Variants in ITPRID1 observed in about 807,000 individuals in gnomAD.
ITPRID1 encodes protein ITPRID1.
In ITPRID1, 96 loss-of-function variants were observed where a neutral mutation model predicts 95.4. That is an observed-to-expected ratio of 1.01 (90% CI 0.85 to 1.19). The LOEUF (loss-of-function observed/expected upper bound fraction) is 1.19. Ranked by LOEUF, ITPRID1 falls within the 50% of genes most tolerant of loss-of-function variation. The pLI is 0.00. For synonymous variants in ITPRID1, 510 were observed against 453.6 expected (o/e 1.12, Z -1.58); for missense variants, 1,339 against 1,252.9 (o/e 1.07, Z -1.04).
intron 10 of ITPRID1, among the ~76,000 whole-genome samples, chr7:31,595,281 G>A (rs1436616301): frequency 6.6e-6 from 1 of 150,964 alleles, no homozygotes; most frequent in Non-Finnish European, 1.5e-5. Flanking sequence ...CTGACCTCAG[G>A]TGATCCACCC....
rs780988233 is a variant in ITPRID1, at chr7:31,652,716, A to C, written c.3022A>C (p.Thr1008Pro). 6.2e-6 allele frequency: 10 copies of C among 1,613,774 alleles called. No homozygotes were observed. In the East Asian group the frequency reaches 2.2e-4, roughly 36 times the overall value. The part of the protein sequence containing the change: ...GTQLAAFTPP[T>P]LENSTRMSPS... ...CCAGTTGGCTGCCTTCACTCCACCCACCTTGGAGAACAGCACCAGGATGTC... is the reference window on the plus strand; with the variant it reads ...CCAGTTGGCTGCCTTCACTCCACCCCCCTTGGAGAACAGCACCAGGATGTC... Residue 1008 changes from threonine (T) to proline (P), a missense_variant, in exon 15 of 15, where the codon ACC becomes CCC. By Grantham distance (38) the Thr-to-Pro change is conservative (BLOSUM62 -1). Transcript: ENST00000615280.
Position 31,654,615 on chromosome 7 carries a change from TC to T in ITPRID1, c.*1787del, listed in dbSNP as rs1791205344. ...GCAAATGTCGTCAAGTTGCTTCTAT[TC>T]AGCCTTGGAGGCTTGTGAGGCTCCC... On this transcript the variant is annotated 3_prime_UTR_variant, in exon 15 of 15. Transcript: ENST00000615280. 6.6e-6 allele frequency among the ~76,000 whole-genome samples: 1 copy of T among 152,172 alleles called. No homozygotes were observed. The highest frequency in any genetic ancestry group is 2.1e-4 in the South Asian group (1 of 4,826).
chr7:31,536,013 A>T (rs1161697949), intron 1 of ITPRID1, among the ~76,000 whole-genome samples: 1 of 152,100 alleles, frequency 6.6e-6, no homozygotes, highest in African/African-American at 2.4e-5. Context: ...GTAGTTTAAT[A>T]TATTTCTTCA....
At chr7:31,621,856 A>G (rs568715603) in intron 10 of ITPRID1, among the ~76,000 whole-genome samples, 27 of 152,032 alleles carry the variant, frequency 1.8e-4, no homozygotes, top group African/African-American at 6.0e-4. Context: ...TGTATTCAGG[A>G]AACCCATCTC....
chr7:31,574,792 G>T, intron 8 of ITPRID1, 50 bp downstream of exon 8: 1 of 1,538,632 alleles, frequency 6.5e-7, no homozygotes. Context: ...GAATGAGTGG[G>T]CAGGTGGGCC....
intron 10 of ITPRID1, among the ~76,000 whole-genome samples, chr7:31,601,127 A>C (rs1458840417): frequency 6.6e-6 from 1 of 152,206 alleles, no homozygotes; most frequent in East Asian, 1.9e-4. Context: ...TATCAGAAGA[A>C]ATCAATTACT....
At chr7:31,536,145 T>C (rs1783752172) in intron 1 of ITPRID1, among the ~76,000 whole-genome samples, 1 of 152,126 alleles carries the variant, frequency 6.6e-6, no homozygotes, top group African/African-American at 2.4e-5. Context: ...ATCTTGGATG[T>C]TAGGTTCCAT....
intron 1 of ITPRID1, among the ~76,000 whole-genome samples, chr7:31,526,121 A>G (rs936010295): frequency 2.0e-5 from 3 of 152,218 alleles, no homozygotes; most frequent in East Asian, 1.9e-4. Flanking sequence ...AACATAAAAC[A>G]ACCACACTAA....
chr7:31,516,201 A>G (rs1783035332), intron 1 of ITPRID1, among the ~76,000 whole-genome samples: 1 of 152,210 alleles, frequency 6.6e-6, no homozygotes, highest in Non-Finnish European at 1.5e-5. Context: ...TGTAAAACAC[A>G]GTATATAATG....
At chr7:31,521,620 CTCCTTCCTTCCTTCCTTCCT>C (rs201520895) in intron 1 of ITPRID1, among the ~76,000 whole-genome samples, 1,960 of 69,622 alleles carry the variant, frequency 0.028, 44 homozygotes, top group East Asian at 0.16. Context: ...TCTCCTTTCC[CTCCTTCCTTCCTTCCTTCCT>C]TCCTTCCTTC....
chr7:31,589,040 T>C (rs1423800787), intron 10 of ITPRID1, among the ~76,000 whole-genome samples: 1 of 151,992 alleles, frequency 6.6e-6, no homozygotes, highest in South Asian at 2.1e-4. Context: ...GATGTTCTAA[T>C]CAGCAGATAG....
At chr7:31,571,136 C>T (rs12673336) in intron 6 of ITPRID1, among the ~76,000 whole-genome samples, 56,491 of 151,900 alleles carry the variant, frequency 0.37, 11,366 homozygotes, top group East Asian at 0.59. Flanking sequence ...TCAAGCAATT[C>T]GCTGCCTCAG....
rs760540110 is a variant in ITPRID1, at chr7:31,643,033, A to C, written c.1663A>C (p.Arg555=). 2.0e-5 allele frequency: 32 copies of C among 1,614,018 alleles called. No individual in the cohort carries two copies. The African/African-American group carries it at 3.9e-4, about 19-fold the overall frequency. The stretch of plus-strand genomic sequence containing the variant: ...GCCCCATGCTGAGTATGAGGTCACC[A>C]GACCCACAGCCACTTCCAAATATGA... ...PMPHAEYEVT[R]PTATSKYDHP... Residue 555 remains arginine (R), a synonymous_variant, in exon 12 of 15, where the codon AGA becomes CGA. Coordinates refer to ENST00000615280, the MANE Select transcript of ITPRID1 (RefSeq NM_001257967.3).
At chr7:31,519,578 ATCTC>A (rs72374972) in intron 1 of ITPRID1, among the ~76,000 whole-genome samples, 1,594 of 37,348 alleles carry the variant, frequency 0.043, 70 homozygotes, top group South Asian at 0.078. Context: ...TATTTCTGGT[ATCTC>A]TCTCTCTCTC....
intron 5 of ITPRID1, among the ~76,000 whole-genome samples, chr7:31,562,432 C>T (rs1250716846): frequency 6.6e-6 from 1 of 152,140 alleles, no homozygotes; most frequent in Non-Finnish European, 1.5e-5. Context: ...CTTCTCCCAT[C>T]CCCAGAGAGG....
At chr7:31,588,631 C>CA (rs57245935) in intron 10 of ITPRID1, among the ~76,000 whole-genome samples, 2 of 42,564 alleles carry the variant, frequency 4.7e-5, no homozygotes, top group African/African-American at 9.5e-5. Flanking sequence ...TACTCTGTCT[C>CA]AAAAAAAAAA....
intron 10 of ITPRID1, among the ~76,000 whole-genome samples, chr7:31,616,387 GTTTTGTTCT>G (rs1207102175): frequency 6.7e-6 from 1 of 149,306 alleles, no homozygotes; most frequent in Non-Finnish European, 1.5e-5. Flanking sequence ...AGGTCTTAGA[GTTTTGTTCT>G]GAATCATCCC....
At chr7:31,531,058 A>G (rs1192085450) in intron 1 of ITPRID1, among the ~76,000 whole-genome samples, 1 of 152,238 alleles carries the variant, frequency 6.6e-6, no homozygotes, top group Non-Finnish European at 1.5e-5. Context: ...GTCATCTCCC[A>G]GAGCAGGCTC....
chr7:31,552,982 TTG>T lies in ITPRID1; in HGVS notation c.-23-8_-23-7del, dbSNP rs143013342. The T allele has an allele frequency of 8.8e-6, 14 of 1,583,282 alleles. No individual in the cohort carries two copies. The highest frequency in any genetic ancestry group is 5.4e-5 in the Admixed American group (3 of 56,052). ...GCTGAACTCATCGTGTCTGATTTGT[TTG>T]TGTGTGTGTGTTTTAAGTTAGTTTG... is the stretch of plus-strand genomic sequence containing the variant. On this transcript the variant is annotated intron_variant, in intron 2 of 14. Coordinates refer to ENST00000615280, the MANE Select transcript of ITPRID1 (RefSeq NM_001257967.3).
Sources: gnomAD v4.1 joint callset for allele counts (sites outside exome capture counted in the v4.1 genomes callset) on GRCh38, gnomAD v4.1.1 for gene constraint, MANE v1.5 for transcripts, NCBI Gene and HGNC (gene_info 2026-07-23, HGNC 2026-07-21) for gene names.